The following AUTS2 variants were observed in gnomAD, a reference collection of about 807,000 sequenced individuals.
AUTS2 encodes activator of transcription and developmental regulator AUTS2, also known as autism susceptibility gene 2 protein.
A neutral mutation model predicts 112.4 loss-of-function variants in AUTS2; 17 were observed. The ratio of observed to expected loss-of-function variants is 0.15; its 90% CI spans 0.10 to 0.23. The LOEUF is 0.23. Among genes scored for constraint, AUTS2 ranks in the 10% least tolerant of loss-of-function variants. The pLI is 1.00. For synonymous variants in AUTS2, 751 were observed against 702.7 expected, an observed-to-expected ratio of 1.07 and a Z score of -1.09; for missense variants, 1,510 against 1,701.6, an observed-to-expected ratio of 0.89 and a Z score of 1.98.
intron 2 of AUTS2, among the ~76,000 whole-genome samples, chr7:70,112,218 G>A (rs1805123420): frequency 6.6e-6 from 1 of 151,510 alleles, no homozygotes; most frequent in Non-Finnish European, 1.5e-5. Flanking sequence ...GTGTGATTTT[G>A]TCTTTTACCC....
intron 4 of AUTS2, among the ~76,000 whole-genome samples, chr7:70,224,131 G>A (rs868689551): frequency 7.9e-5 from 12 of 152,062 alleles, no homozygotes; most frequent in Middle Eastern, 3.2e-3. Flanking sequence ...CCTGTGCAAT[G>A]TGGTGAAATC....
chr7:70,085,792 C>T (rs773924240), intron 2 of AUTS2, among the ~76,000 whole-genome samples: 22 of 152,130 alleles, frequency 1.4e-4, no homozygotes, highest in Non-Finnish European at 2.4e-4. Flanking sequence ...GCCTAATTTT[C>T]TTCCTTTTTA....
rs1791975409 is a variant in AUTS2, at chr7:70,791,712, T to TG, written c.*716_*717insG. The TG allele has an allele frequency of 6.6e-6, 1 of 152,492 alleles. No homozygotes were observed. The highest frequency in any genetic ancestry group is 2.4e-5 in the African/African-American group (1 of 41,462). The allele number at this position is 152,492 out of a possible 1,614,324, so 9.4% of individuals were successfully genotyped here. A position where few individuals can be genotyped will look rare whatever the true frequency, so the allele number is the denominator to read the frequency against. ...TTTCCCTGAACAAGCGCTTACGTGATATGACTCTGTTTTCCTTGCTTGTTT... is the reference window on the plus strand; with the variant it reads ...TTTCCCTGAACAAGCGCTTACGTGATGATGACTCTGTTTTCCTTGCTTGTTT... On this transcript the variant is annotated 3_prime_UTR_variant, in exon 19 of 19. Transcript: ENST00000342771.
intron 5 of AUTS2, among the ~76,000 whole-genome samples, chr7:70,572,993 T>G (rs1244575529): frequency 6.6e-6 from 1 of 152,232 alleles, no homozygotes; most frequent in Non-Finnish European, 1.5e-5. Flanking sequence ...TGTGAACATT[T>G]ATCCATTTAG....
intron 1 of AUTS2, among the ~76,000 whole-genome samples, chr7:69,696,406 T>C (rs1334713660): frequency 6.6e-6 from 1 of 152,176 alleles, no homozygotes; most frequent in African/African-American, 2.4e-5. Context: ...TAGAATTTTT[T>C]TTTTACGTGA....
chr7:70,220,198 T>A (rs1472965090), intron 4 of AUTS2, among the ~76,000 whole-genome samples: 1 of 152,230 alleles, frequency 6.6e-6, no homozygotes, highest in Non-Finnish European at 1.5e-5. Context: ...CACAAAAATT[T>A]GATTTTATGT....
chr7:70,073,027 C>T (rs1476980955), intron 2 of AUTS2, among the ~76,000 whole-genome samples: 7 of 136,798 alleles, frequency 5.1e-5, no homozygotes, highest in African/African-American at 1.9e-4. Flanking sequence ...CTCCCCTCCC[C>T]TCCCCTCCCT....
chr7:70,734,827 C>G (rs1208393998), intron 6 of AUTS2, among the ~76,000 whole-genome samples: 1 of 152,116 alleles, frequency 6.6e-6, no homozygotes, highest in Non-Finnish European at 1.5e-5. Context: ...GAAGCAACAT[C>G]TTCCTAAAGA....
intron 4 of AUTS2, among the ~76,000 whole-genome samples, chr7:70,137,040 A>G (rs1584776623): frequency 6.6e-6 from 1 of 152,354 alleles, no homozygotes; most frequent in South Asian, 2.1e-4. Flanking sequence ...CTGTAGTGAT[A>G]CATTCAAGGG....
intron 4 of AUTS2, among the ~76,000 whole-genome samples, chr7:70,254,853 T>A (rs1786776477): frequency 6.6e-6 from 1 of 152,192 alleles, no homozygotes; most frequent in African/African-American, 2.4e-5. Flanking sequence ...TATTTTTGCC[T>A]ACTAGACTAT....
chr7:69,839,577 A>T (rs2129528430), intron 1 of AUTS2, among the ~76,000 whole-genome samples: 1 of 152,340 alleles, frequency 6.6e-6, no homozygotes, highest in South Asian at 2.1e-4. Flanking sequence ...TTTATAAACA[A>T]GACATTAATC....
intron 9 of AUTS2, 56 bp from the exon 10 acceptor site, chr7:70,767,968 A>T: frequency 1.3e-6 from 2 of 1,559,108 alleles, no homozygotes; most frequent in Non-Finnish European, 1.8e-6. Flanking sequence ...CCTCCACTGT[A>T]GCAGTGAACA....
chr7:69,963,833 A>G (rs1435049196), intron 2 of AUTS2, among the ~76,000 whole-genome samples: 2 of 152,140 alleles, frequency 1.3e-5, no homozygotes, highest in African/African-American at 4.8e-5. Context: ...CAAAGCTCTT[A>G]CATGTAACCA....
intron 2 of AUTS2, among the ~76,000 whole-genome samples, chr7:70,075,218 A>G (rs1220916165): frequency 2.0e-5 from 3 of 152,296 alleles, no homozygotes; most frequent in East Asian, 1.9e-4. Flanking sequence ...CTCAGAAACT[A>G]CTGTTGACTA....
chr7:70,128,498 G>A (rs1336067207), intron 3 of AUTS2, among the ~76,000 whole-genome samples: 1 of 152,182 alleles, frequency 6.6e-6, no homozygotes, highest in Admixed American at 6.5e-5. Context: ...TGAGGCCTAA[G>A]TAAAGAAAAG....
intron 4 of AUTS2, among the ~76,000 whole-genome samples, chr7:70,184,300 A>G (rs948002631): frequency 6.6e-6 from 1 of 152,314 alleles, no homozygotes; most frequent in Non-Finnish European, 1.5e-5. Context: ...GAGAAGAGCA[A>G]ATGCCATTGT....
intron 5 of AUTS2, among the ~76,000 whole-genome samples, chr7:70,592,989 A>G (rs1294549742): frequency 6.6e-6 from 1 of 151,008 alleles, no homozygotes; most frequent in East Asian, 1.9e-4. Flanking sequence ...AGCTGGGACT[A>G]CGGGCACAAT....
chr7:70,170,921 T>A (rs975634177), intron 4 of AUTS2, among the ~76,000 whole-genome samples: 6 of 152,140 alleles, frequency 3.9e-5, no homozygotes, highest in African/African-American at 1.2e-4. Context: ...ACATTGCCTT[T>A]ATAACTCTAT....
intron 15 of AUTS2, chr7:70,781,996 G>A (rs1003928659): frequency 9.4e-6 from 5 of 533,206 alleles, no homozygotes; most frequent in Non-Finnish European, 1.3e-5. Flanking sequence ...ACATTGCTTC[G>A]GTTCATTATT....
Sources: gnomAD v4.1 joint callset for allele counts (sites outside exome capture counted in the v4.1 genomes callset) on GRCh38, gnomAD v4.1.1 for gene constraint, MANE v1.5 for transcripts, NCBI Gene and HGNC (gene_info 2026-07-23, HGNC 2026-07-21) for gene names.